Variants in EXOC2 observed in about 807,000 individuals in gnomAD.
EXOC2 encodes SEC5-like 1.
Under a neutral mutation model 131.8 loss-of-function variants are expected in EXOC2, and 70 were observed. That is an observed-to-expected ratio of 0.53 (90% CI 0.44 to 0.65). The LOEUF is 0.65. Ranked by LOEUF, EXOC2 falls within the 30% of genes least tolerant of loss-of-function variation. EXOC2 has a pLI of 0.00. For missense variants in EXOC2, 923 were observed against 1,108.6 expected, an observed-to-expected ratio of 0.83 and a Z score of 2.38; for synonymous variants, 411 against 398.4, an observed-to-expected ratio of 1.03 and a Z score of -0.38.
intron 25 of EXOC2, among the ~76,000 whole-genome samples, chr6:492,376 C>T (rs558825034): frequency 4.6e-5 from 7 of 152,126 alleles, no homozygotes; most frequent in Non-Finnish European, 8.8e-5. Flanking sequence ...ATAGAGTAAC[C>T]ACATGACCTA....
At chr6:553,298 A>C (rs1421214631) in intron 21 of EXOC2, among the ~76,000 whole-genome samples, 1 of 152,156 alleles carries the variant, frequency 6.6e-6, no homozygotes, top group Non-Finnish European at 1.5e-5. Flanking sequence ...ATGTTTGTGA[A>C]TCTCCTTAAA....
At chr6:652,243 A>T (rs1762867319) in intron 1 of EXOC2, among the ~76,000 whole-genome samples, 1 of 152,218 alleles carries the variant, frequency 6.6e-6, no homozygotes, top group African/African-American at 2.4e-5. Context: ...CAACTGTTTA[A>T]ACTTCCCATG....
chr6:578,045 GA>G (rs1171142290), intron 11 of EXOC2, among the ~76,000 whole-genome samples: 1 of 152,128 alleles, frequency 6.6e-6, no homozygotes, highest in Non-Finnish European at 1.5e-5. Flanking sequence ...CTCCACCAAA[GA>G]CTGCTGTTTT....
intron 1 of EXOC2, among the ~76,000 whole-genome samples, chr6:691,354 T>G (rs1764915589): frequency 6.6e-6 from 1 of 152,182 alleles, no homozygotes; most frequent in Admixed American, 6.6e-5. Flanking sequence ...TGAGTGTGCC[T>G]GCATCTCCCA....
chr6:507,502 A>G (rs908174180), intron 23 of EXOC2, among the ~76,000 whole-genome samples: 1 of 152,188 alleles, frequency 6.6e-6, no homozygotes, highest in African/African-American at 2.4e-5. Context: ...AGTGCAAGAA[A>G]GCAAATGCAT....
At chr6:590,676 T>C (rs1276274545) in intron 11 of EXOC2, among the ~76,000 whole-genome samples, 1 of 152,164 alleles carries the variant, frequency 6.6e-6, no homozygotes, top group Admixed American at 6.5e-5. Context: ...TCTTGGAGAT[T>C]TTGCTGACCA....
intron 22 of EXOC2, among the ~76,000 whole-genome samples, chr6:542,321 G>A (rs866003134): frequency 6.6e-6 from 1 of 152,198 alleles, no homozygotes; most frequent in African/African-American, 2.4e-5. Flanking sequence ...ATCTAGAAAA[G>A]AAGTGCATCT....
intron 17 of EXOC2, among the ~76,000 whole-genome samples, chr6:560,214 T>C (rs79619838): frequency 0.02 from 2,985 of 152,334 alleles, 73 homozygotes; most frequent in African/African-American, 0.052. Flanking sequence ...CAGTATCTCA[T>C]TGTATCCTAA....
At chr6:630,907 T>G (rs1380227234) in intron 3 of EXOC2, among the ~76,000 whole-genome samples, 2 of 152,224 alleles carry the variant, frequency 1.3e-5, no homozygotes, top group Admixed American at 6.5e-5. Flanking sequence ...TGACTGGGTG[T>G]GGACCCTGTG....
chr6:684,188 G>C (rs996946070), intron 1 of EXOC2, among the ~76,000 whole-genome samples: 1 of 152,130 alleles, frequency 6.6e-6, no homozygotes, highest in African/African-American at 2.4e-5. Flanking sequence ...TTAGGGAGGG[G>C]GAGACAGGAC....
At chr6:576,382 A>C (rs1447187495) in intron 12 of EXOC2, among the ~76,000 whole-genome samples, 1 of 152,190 alleles carries the variant, frequency 6.6e-6, no homozygotes, top group Non-Finnish European at 1.5e-5. Context: ...CCAAAGTTTA[A>C]ATTTCATCAA....
At chr6:581,581 G>GA (rs1193467928) in intron 11 of EXOC2, among the ~76,000 whole-genome samples, 1 of 152,094 alleles carries the variant, frequency 6.6e-6, no homozygotes, top group Non-Finnish European at 1.5e-5. Flanking sequence ...ATATTTGCAG[G>GA]AAAAATGATA....
chr6:534,887 G>T (rs993237765), intron 22 of EXOC2, among the ~76,000 whole-genome samples: 1 of 152,190 alleles, frequency 6.6e-6, no homozygotes, highest in Admixed American at 6.5e-5. Flanking sequence ...TGAAATACAA[G>T]TGTGAAGTAA....
At chr6:587,483 G>A (rs1150828) in intron 11 of EXOC2, among the ~76,000 whole-genome samples, 145,188 of 152,316 alleles carry the variant, frequency 0.95, 69,285 homozygotes, top group East Asian at 1. Context: ...TGACCTCATG[G>A]TCCGCCAGCC....
intron 11 of EXOC2, among the ~76,000 whole-genome samples, chr6:581,183 C>T (rs112365154): frequency 0.017 from 2,527 of 151,924 alleles, 77 homozygotes; most frequent in African/African-American, 0.057. Context: ...GTAGTCCCAG[C>T]TACTCGAGAG....
chr6:555,820 C>T (rs1011637416), intron 19 of EXOC2, 134 bp downstream of exon 19: 2 of 865,518 alleles, frequency 2.3e-6, no homozygotes, highest in Non-Finnish European at 3.5e-6. Context: ...TTACCTTAAA[C>T]TATTATGTAC....
intron 1 of EXOC2, among the ~76,000 whole-genome samples, chr6:645,948 C>T (rs1316634481): frequency 1.3e-5 from 2 of 152,154 alleles, no homozygotes; most frequent in Admixed American, 6.5e-5. Flanking sequence ...GCCCACTGTC[C>T]AAACCAGACA....
intron 23 of EXOC2, among the ~76,000 whole-genome samples, chr6:516,546 G>A (rs2127514606): frequency 6.6e-6 from 1 of 152,338 alleles, no homozygotes; most frequent in East Asian, 1.9e-4. Context: ...AAGAAAGGCA[G>A]GTTTTCCAAT....
intron 6 of EXOC2, among the ~76,000 whole-genome samples, chr6:611,435 C>T (rs1360775480): frequency 6.6e-6 from 1 of 152,214 alleles, no homozygotes; most frequent in Admixed American, 6.5e-5. Flanking sequence ...TCAAAATTAG[C>T]ATTAAAGGAA....
Sources: allele counts gnomAD v4.1 joint callset (sites outside exome capture counted in the v4.1 genomes callset), GRCh38; gene constraint gnomAD v4.1.1; transcripts MANE v1.5; gene names NCBI Gene and HGNC (gene_info 2026-07-23, HGNC 2026-07-21).